Variants in ZNF827 observed in about 807,000 individuals in gnomAD.
ZNF827 encodes the protein zinc finger protein 827.
Under a neutral mutation model 102.4 loss-of-function variants are expected in ZNF827, and 13 were observed. That is an observed-to-expected ratio of 0.13 (90% confidence interval 0.08 to 0.20). ZNF827 has a LOEUF of 0.20. Ranked by LOEUF, ZNF827 falls within the 10% of genes least tolerant of loss-of-function variation. ZNF827 has a pLI of 1.00. For synonymous variants in ZNF827, 523 were observed against 536.2 expected, an observed-to-expected ratio of 0.98 and a Z score of 0.34; for missense variants, 1,103 against 1,344.4, an observed-to-expected ratio of 0.82 and a Z score of 2.81.
At chr4:145,791,499 G>T (rs995967360) in intron 8 of ZNF827, among the ~76,000 whole-genome samples, 2 of 152,144 alleles carry the variant, frequency 1.3e-5, no homozygotes, top group Admixed American at 6.5e-5. Flanking sequence ...TCCTGTGAAC[G>T]TATGTCATAA....
At chr4:145,919,406 T>G (rs988791243) in intron 1 of ZNF827, among the ~76,000 whole-genome samples, 1 of 152,188 alleles carries the variant, frequency 6.6e-6, no homozygotes, top group Non-Finnish European at 1.5e-5. Context: ...GTCCCACATA[T>G]ACTCATGAAA....
intron 7 of ZNF827, chr4:145,839,152 G>C (rs562987740): frequency 6.6e-6 from 1 of 152,302 alleles, no homozygotes; most frequent in South Asian, 2.1e-4. Flanking sequence ...ATTTCAGATT[G>C]TCTTACAGGT....
At chr4:145,823,922 C>A (rs1187796237) in intron 7 of ZNF827, among the ~76,000 whole-genome samples, 3 of 152,158 alleles carry the variant, frequency 2.0e-5, no homozygotes, top group African/African-American at 7.2e-5. Context: ...CCTGGCTCAC[C>A]CATATTCTGT....
At chr4:145,862,064 T>C (rs1747783816) in intron 5 of ZNF827, among the ~76,000 whole-genome samples, 2 of 152,030 alleles carry the variant, frequency 1.3e-5, no homozygotes, top group South Asian at 2.1e-4. Flanking sequence ...AGCTCCCATA[T>C]GGGGCGGGGG....
chr4:145,878,166 A>T (rs1331169155), intron 4 of ZNF827, among the ~76,000 whole-genome samples: 1 of 152,100 alleles, frequency 6.6e-6, no homozygotes, highest in Non-Finnish European at 1.5e-5. Context: ...AGTCTGAAGA[A>T]CTCTGGACTG....
At chr4:145,854,677 A>G (rs1373209407) in intron 5 of ZNF827, among the ~76,000 whole-genome samples, 1 of 152,192 alleles carries the variant, frequency 6.6e-6, no homozygotes, top group East Asian at 1.9e-4. Context: ...AGTTGCTTCA[A>G]CAGAGCATGC....
Position 145,938,348 on chromosome 4 carries a change from G to T in ZNF827, c.43+17C>A, listed in dbSNP as rs778950925. 1 of 1,613,784 alleles carries T rather than the reference G, an allele frequency of 6.2e-7. No homozygotes were observed. The highest frequency in any genetic ancestry group is 1.7e-5 in the Admixed American group (1 of 60,022). On this transcript the variant is annotated intron_variant, in intron 1 of 14. Transcript: ENST00000508784. ...CGAGAAAATGGCACGAGAGGAGGTGGAGAAGGGATGACTTACGTGAGGGAA... is the reference window on the plus strand; with the variant it reads ...CGAGAAAATGGCACGAGAGGAGGTGTAGAAGGGATGACTTACGTGAGGGAA...
At chr4:145,833,687 A>C (rs897890982) in intron 7 of ZNF827, among the ~76,000 whole-genome samples, 1 of 149,354 alleles carries the variant, frequency 6.7e-6, no homozygotes, top group Non-Finnish European at 1.5e-5. Flanking sequence ...ACGCACCCCA[A>C]CCTCGTATCT....
At position 145,825,121 on chromosome 4, in the gene ZNF827, C is replaced by T. The variant is rs72954618; in HGVS notation, c.2280-1596G>A. ...TCATAACCTGCAAGGGTGGCTAAGG[C>T]CGTGAAGGAGGGGACACAGTGTGAC... On this transcript the variant is annotated intron_variant, in intron 7 of 14. Transcript: ENST00000508784. Among the ~76,000 whole-genome samples the T allele has an allele frequency of 8.5e-3, 1,290 of 152,256 alleles. 23 individuals carry two copies. The highest frequency in any genetic ancestry group is 0.029 in the African/African-American group (1,193 of 41,550).
intron 7 of ZNF827, among the ~76,000 whole-genome samples, chr4:145,836,822 A>C (rs62345819): frequency 0.23 from 33,958 of 149,798 alleles, 3,594 homozygotes; most frequent in Non-Finnish European, 0.27. Context: ...AGAACCTCTC[A>C]TTTCCTTTCC....
chr4:145,774,489 C>T lies in ZNF827; in HGVS notation c.2860+17G>A. ...GGATGGAGAAGGAGTGTGAGAAGGA[C>T]AGACAGGAATGGTCACCTGTGTGCT... On this transcript the variant is annotated intron_variant, in intron 11 of 14. Coordinates refer to ENST00000508784, the MANE Select transcript of ZNF827 (RefSeq NM_001306215.2). 1 of 1,604,238 alleles carries T rather than the reference C, an allele frequency of 6.2e-7. No individual in the cohort carries two copies. Among genetic ancestry groups the T allele is most frequent in the Non-Finnish European group, 8.5e-7 (1 of 1,174,620 alleles).
Position 145,870,291 on chromosome 4 carries a change from C to T in ZNF827, c.1935G>A (p.Arg645=). The change falls in exon 5 of 15, where the codon CGG becomes CGA. Residue 645 remains arginine (R), a synonymous_variant. Coordinates refer to ENST00000508784, the MANE Select transcript of ZNF827 (RefSeq NM_001306215.2). ...PQEGKGSVLR[R]DVSVKAASEL... The stretch of plus-strand genomic sequence containing the variant: ...CAGAGGCTGCTTTGACTGACACATC[C>T]CGCCTTAGCACACTTCCCTTCCCTT... 2 of 1,614,106 alleles carry T rather than the reference C, an allele frequency of 1.2e-6. No individual in the cohort carries two copies. The highest frequency in any genetic ancestry group is 1.7e-6 in the Non-Finnish European group (2 of 1,180,006).
At chr4:145,859,289 A>C (rs1197470882) in intron 5 of ZNF827, among the ~76,000 whole-genome samples, 2 of 152,206 alleles carry the variant, frequency 1.3e-5, no homozygotes, top group Non-Finnish European at 2.9e-5. Flanking sequence ...GTAGCAGCTC[A>C]ATAAATATCT....
At chr4:145,851,018 T>G (rs1746474840) in intron 5 of ZNF827, among the ~76,000 whole-genome samples, 1 of 151,890 alleles carries the variant, frequency 6.6e-6, no homozygotes, top group African/African-American at 2.4e-5. Context: ...GGACAAGACA[T>G]AGAAACAGTG....
chr4:145,892,031 A>C (rs1750646086), intron 3 of ZNF827, among the ~76,000 whole-genome samples: 1 of 152,210 alleles, frequency 6.6e-6, no homozygotes, highest in Non-Finnish European at 1.5e-5. Context: ...TTGGATATCG[A>C]AGGTTCTCTC....
At chr4:145,866,236 A>G (rs1434950983) in intron 5 of ZNF827, among the ~76,000 whole-genome samples, 2 of 152,210 alleles carry the variant, frequency 1.3e-5, no homozygotes, top group African/African-American at 2.4e-5. Flanking sequence ...TGTTATTTAT[A>G]ACCAAAGGGG....
intron 4 of ZNF827, chr4:145,876,441 A>C (rs1384016539): frequency 6.6e-6 from 1 of 152,222 alleles, no homozygotes; most frequent in Non-Finnish European, 1.5e-5. Context: ...AAGTGTATCA[A>C]GTGTGCTTGG....
intron 7 of ZNF827, among the ~76,000 whole-genome samples, chr4:145,833,911 C>T (rs894510447): frequency 2.0e-5 from 3 of 152,044 alleles, no homozygotes; most frequent in South Asian, 2.1e-4. Context: ...CCCCTTTTCC[C>T]ACTTTTCTGG....
At chr4:145,876,602 A>G (rs1400572848) in intron 4 of ZNF827, 1 of 152,170 alleles carries the variant, frequency 6.6e-6, no homozygotes, top group Non-Finnish European at 1.5e-5. Context: ...TCTCACAGCC[A>G]CCCTTTGAGG....
Sources: gnomAD v4.1 joint callset for allele counts (sites outside exome capture counted in the v4.1 genomes callset) on GRCh38, gnomAD v4.1.1 for gene constraint, MANE v1.5 for transcripts, NCBI Gene and HGNC (gene_info 2026-07-23, HGNC 2026-07-21) for gene names.